SLC8A1: variants seen among roughly 807,000 people sequenced by gnomAD.
SLC8A1 encodes the protein sodium/calcium exchanger 1.
In SLC8A1, 18 loss-of-function variants were observed where a neutral mutation model predicts 68.3. The observed-to-expected ratio is 0.26, with a 90% CI of 0.18 to 0.39. The LOEUF is 0.39. SLC8A1 is among the 10% of genes least tolerant of loss of function. The pLI is 1.00. For missense variants in SLC8A1, 985 were observed against 1,156.7 expected (o/e 0.85, Z 2.15); for synonymous variants, 475 against 415.5 (o/e 1.14, Z -1.74).
intron 2 of SLC8A1, among the ~76,000 whole-genome samples, chr2:40,243,754 A>G (rs990812467): frequency 2.6e-5 from 4 of 152,276 alleles, no homozygotes; most frequent in Non-Finnish European, 5.9e-5. Flanking sequence ...CACAGTGGGA[A>G]GGCACCAACT....
chr2:40,195,534 A>G (rs1436371299), intron 2 of SLC8A1, among the ~76,000 whole-genome samples: 4 of 152,218 alleles, frequency 2.6e-5, no homozygotes, highest in African/African-American at 9.6e-5. Context: ...CTTCCTCTCA[A>G]ATCTCTTCTG....
At chr2:40,251,588 A>ATACTT (rs879615684) in intron 2 of SLC8A1, 3 of 152,192 alleles carry the variant, frequency 2.0e-5, no homozygotes, top group Non-Finnish European at 4.4e-5. Context: ...TTTATTAATA[A>ATACTT]TACTTTAACC....
intron 1 of SLC8A1, among the ~76,000 whole-genome samples, chr2:40,450,833 A>G (rs995613332): frequency 1.3e-5 from 2 of 152,234 alleles, no homozygotes; most frequent in Admixed American, 1.3e-4. Flanking sequence ...TACAACATGC[A>G]CATTGCTCTC....
In SLC8A1 at chr2:40,200,235, T is replaced by A. The variant is rs371099703; in HGVS notation, c.1809-22380A>T. Among the ~76,000 whole-genome samples, 4 of 29,386 alleles carry A rather than the reference T, an allele frequency of 1.4e-4. 1 individual carries two copies. Among genetic ancestry groups the A allele is most frequent in the African/African-American group, 1.9e-4 (2 of 10,474 alleles). 19.3% of individuals were successfully genotyped at this position (29,386 alleles called of 152,430 possible). ...ATATATATATTTTTTTATATATATA[T>A]ATAAATATATATATATATATATATA... On this transcript the variant is annotated intron_variant, in intron 2 of 7. Transcript: ENST00000406785.
At chr2:40,122,087 G>A (rs908092506) in intron 7 of SLC8A1, among the ~76,000 whole-genome samples, 1 of 151,960 alleles carries the variant, frequency 6.6e-6, no homozygotes, top group Non-Finnish European at 1.5e-5. Context: ...GTTTACTTAT[G>A]TACTTGTTCT....
At chr2:40,299,495 G>T (rs1326582974) in intron 2 of SLC8A1, among the ~76,000 whole-genome samples, 2 of 151,932 alleles carry the variant, frequency 1.3e-5, no homozygotes, top group East Asian at 3.9e-4. Flanking sequence ...TGGAAGATCT[G>T]TTCTGAAACT....
chr2:40,264,630 C>T (rs1305715712), intron 2 of SLC8A1, among the ~76,000 whole-genome samples: 2 of 152,118 alleles, frequency 1.3e-5, no homozygotes, highest in African/African-American at 2.4e-5. Flanking sequence ...TGTTCTCACT[C>T]ATAGGTGGGA....
At chr2:40,290,521 C>T (rs2069120153) in intron 2 of SLC8A1, among the ~76,000 whole-genome samples, 1 of 152,116 alleles carries the variant, frequency 6.6e-6, no homozygotes, top group Non-Finnish European at 1.5e-5. Flanking sequence ...AATGTGCGTC[C>T]TGGGAGATCT....
exon 8 of SLC8A1, chr2:40,100,081 AAG>A (rs1440186786): frequency 2.0e-5 from 3 of 152,116 alleles, no homozygotes; most frequent in African/African-American, 7.2e-5. Flanking sequence ...GGCTTATTGG[AAG>A]AGTGTTGAAT....
intron 2 of SLC8A1, among the ~76,000 whole-genome samples, chr2:40,305,744 G>A (rs1265975980): frequency 6.6e-6 from 1 of 152,148 alleles, no homozygotes; most frequent in Admixed American, 6.5e-5. Flanking sequence ...TCATGGACAT[G>A]TTTGCCAAGT....
chr2:40,383,436 C>T (rs182334378), intron 2 of SLC8A1, among the ~76,000 whole-genome samples: 2 of 151,982 alleles, frequency 1.3e-5, no homozygotes, highest in Middle Eastern at 3.2e-3. Context: ...GACTGTCATT[C>T]GCTTCATATT....
chr2:40,322,321 T>C (rs1020279951), intron 2 of SLC8A1, among the ~76,000 whole-genome samples: 7 of 151,912 alleles, frequency 4.6e-5, no homozygotes, highest in Admixed American at 3.9e-4. Context: ...GTAATCCATA[T>C]ATAATTTTTG....
At chr2:40,280,760 C>G (rs947906603) in intron 2 of SLC8A1, among the ~76,000 whole-genome samples, 4 of 152,110 alleles carry the variant, frequency 2.6e-5, no homozygotes, top group African/African-American at 9.7e-5. Context: ...TCAAGAAAGG[C>G]TCCTAAGAAG....
intron 2 of SLC8A1, among the ~76,000 whole-genome samples, chr2:40,344,201 C>G (rs13032770): frequency 2.0e-5 from 3 of 151,980 alleles, no homozygotes; most frequent in South Asian, 2.1e-4. Context: ...TTTAAAATAT[C>G]AAGATGTCAA....
chr2:40,212,281 A>ATTTTTTTTT, intron 2 of SLC8A1, among the ~76,000 whole-genome samples: 1 of 118,242 alleles, frequency 8.5e-6, no homozygotes, highest in African/African-American at 3.1e-5. Context: ...GAGATGCAAT[A>ATTTTTTTTT]TCTTTTTTTT....
intron 2 of SLC8A1, among the ~76,000 whole-genome samples, chr2:40,239,699 C>CA (rs2060947622): frequency 6.6e-6 from 1 of 151,880 alleles, no homozygotes; most frequent in Admixed American, 6.6e-5. Flanking sequence ...AAAACAAAAA[C>CA]AAAAAAACTG....
At chr2:40,424,983 A>G (rs993154909) in intron 2 of SLC8A1, among the ~76,000 whole-genome samples, 40 of 151,804 alleles carry the variant, frequency 2.6e-4, no homozygotes, top group African/African-American at 8.9e-4. Context: ...CAGCACTTCA[A>G]ATGTGTAGAT....
chr2:40,278,195 G>A (rs539227435), intron 2 of SLC8A1, among the ~76,000 whole-genome samples: 16 of 152,182 alleles, frequency 1.1e-4, no homozygotes, highest in Admixed American at 5.2e-4. Context: ...CACAGGCTGG[G>A]TGCAGGGGCT....
chr2:40,301,816 G>A (rs913771851), intron 2 of SLC8A1, among the ~76,000 whole-genome samples: 1 of 152,128 alleles, frequency 6.6e-6, no homozygotes, highest in Non-Finnish European at 1.5e-5. Context: ...CTTTAGTGGT[G>A]ATTTGTGAGA....
Sources: allele counts gnomAD v4.1 joint callset (sites outside exome capture counted in the v4.1 genomes callset), GRCh38; gene constraint gnomAD v4.1.1; transcripts MANE v1.5; gene names NCBI Gene and HGNC (gene_info 2026-07-23, HGNC 2026-07-21).